The following CLVS1 variants were observed in gnomAD, a reference collection of about 807,000 sequenced individuals.
CLVS1 encodes the protein clavesin-1.
In CLVS1, 10 loss-of-function variants were observed where a neutral mutation model predicts 33.1. The observed-to-expected ratio is 0.30, with a 90% confidence interval of 0.19 to 0.51. The LOEUF (loss-of-function observed/expected upper bound fraction) is 0.51. CLVS1 is among the 20% of genes least tolerant of loss of function. The pLI, the probability that CLVS1 is intolerant of heterozygous loss-of-function variation, is 0.97. For missense variants in CLVS1, 343 were observed against 433.4 expected, an observed-to-expected ratio of 0.79 and a Z score of 1.85; for synonymous variants, 163 against 166.1, an observed-to-expected ratio of 0.98 and a Z score of 0.14.
At chr8:60,968,291 G>A in the CLVS1 span, among the ~76,000 whole-genome samples, 3 of 152,254 alleles carry the variant, frequency 2.0e-5, no homozygotes, top group Admixed American at 6.5e-5. Context: ...CGAGGCCGGC[G>A]GATCACCTGA....
chr8:61,305,115 T>A (rs1024318973), intron 2 of CLVS1, among the ~76,000 whole-genome samples: 4 of 152,068 alleles, frequency 2.6e-5, no homozygotes, highest in Non-Finnish European at 5.9e-5. Context: ...TGAGTACCAG[T>A]TGGTGCTCAG....
intron 2 of CLVS1, among the ~76,000 whole-genome samples, chr8:61,143,633 T>C (rs1296843338): frequency 6.6e-6 from 1 of 151,572 alleles, no homozygotes; most frequent in African/African-American, 2.4e-5. Flanking sequence ...CCCTGAATTC[T>C]CTCTCTCAGA....
intron 1 of CLVS1, among the ~76,000 whole-genome samples, chr8:61,105,624 C>T (rs549046047): frequency 6.6e-6 from 1 of 152,282 alleles, no homozygotes; most frequent in Admixed American, 6.5e-5. Context: ...TAAGGCCTCA[C>T]AAATACTTGT....
At chr8:61,052,478 A>G (rs1039890211), upstream of CLVS1, among the ~76,000 whole-genome samples, 3 of 150,334 alleles carry the variant, frequency 2.0e-5, no homozygotes, top group African/African-American at 7.4e-5. Flanking sequence ...TTAAGTGACA[A>G]TCTGAAAGAC....
At position 61,477,467 on chromosome 8, in the gene CLVS1, C is replaced by T. The variant is rs1018717642; in HGVS notation, c.977+18925C>T. 2.6e-5 allele frequency among the ~76,000 whole-genome samples: 4 copies of T among 152,206 alleles called. No homozygotes were observed. In the East Asian group the frequency reaches 5.8e-4, roughly 22 times the overall value. On this transcript the variant is annotated intron_variant, in intron 5 of 5. Coordinates refer to ENST00000325897, the MANE Select transcript of CLVS1 (RefSeq NM_173519.3). Reference sequence around the variant, plus strand: ...GTTGCTATGCTATTAATTATTGCCTCAATTCAGAGCCTGTTATTGGTCTAT... The same window carrying T: ...GTTGCTATGCTATTAATTATTGCCTTAATTCAGAGCCTGTTATTGGTCTAT...
chr8:61,207,779 A>C (rs931342050), intron 2 of CLVS1, among the ~76,000 whole-genome samples: 3 of 151,966 alleles, frequency 2.0e-5, no homozygotes, highest in Admixed American at 6.6e-5. Context: ...TGCACAGTAC[A>C]TCTCGGGGAA....
chr8:61,365,228 G>A (rs1813147232), intron 2 of CLVS1, among the ~76,000 whole-genome samples: 1 of 152,138 alleles, frequency 6.6e-6, no homozygotes, highest in Non-Finnish European at 1.5e-5. Context: ...TGAACCCAAT[G>A]CAAGATCTAT....
chr8:61,467,289 A>G, intron 5 of CLVS1, among the ~76,000 whole-genome samples: 1 of 152,190 alleles, frequency 6.6e-6, no homozygotes, highest in Non-Finnish European at 1.5e-5. Context: ...CCCTTGCAGC[A>G]GGTTAGATAT....
intron 5 of CLVS1, among the ~76,000 whole-genome samples, chr8:61,476,972 A>G (rs957236161): frequency 6.6e-6 from 1 of 152,200 alleles, no homozygotes; most frequent in South Asian, 2.1e-4. Context: ...GATACATCCC[A>G]TCAATACCTA....
intron 1 of CLVS1, among the ~76,000 whole-genome samples, chr8:61,093,579 T>G (rs1488282771): frequency 6.6e-6 from 1 of 152,250 alleles, no homozygotes; most frequent in African/African-American, 2.4e-5. Context: ...AATGTCAGTG[T>G]TAAATCTATA....
At chr8:61,064,774 T>C (rs1346366375) in intron 1 of CLVS1, among the ~76,000 whole-genome samples, 3 of 152,014 alleles carry the variant, frequency 2.0e-5, no homozygotes, top group Non-Finnish European at 4.4e-5. Context: ...TGATCTTGGC[T>C]CACTGCAAGC....
At chr8:61,186,585 G>A (rs960811388) in intron 2 of CLVS1, among the ~76,000 whole-genome samples, 7 of 151,964 alleles carry the variant, frequency 4.6e-5, no homozygotes, top group Admixed American at 3.9e-4. Flanking sequence ...GGTTTTGCTA[G>A]GTGGAAAGTA....
At chr8:61,216,789 C>G (rs796476397) in intron 2 of CLVS1, among the ~76,000 whole-genome samples, 12 of 152,188 alleles carry the variant, frequency 7.9e-5, no homozygotes, top group African/African-American at 2.9e-4. Flanking sequence ...GTTTGGATCC[C>G]GATAGCCTAG....
chr8:61,232,008 C>G (rs1808441861), intron 2 of CLVS1, among the ~76,000 whole-genome samples: 1 of 86,130 alleles, frequency 1.2e-5, no homozygotes, highest in Non-Finnish European at 2.6e-5. Context: ...AGAAGGAGCC[C>G]TGAGGAAAGT....
intron 2 of CLVS1, among the ~76,000 whole-genome samples, chr8:61,182,393 C>T (rs1041787136): frequency 6.6e-6 from 1 of 152,044 alleles, no homozygotes; most frequent in Admixed American, 6.6e-5. Context: ...AGTGAAAAGG[C>T]AACCTACAGA....
intron 5 of CLVS1, among the ~76,000 whole-genome samples, chr8:61,482,060 C>T (rs938317517): frequency 1.3e-5 from 2 of 152,216 alleles, no homozygotes; most frequent in African/African-American, 4.8e-5. Context: ...ATTGTGCAGC[C>T]TCCACTGGTA....
At chr8:61,032,914 A>C in the CLVS1 span, among the ~76,000 whole-genome samples, 1 of 150,526 alleles carries the variant, frequency 6.6e-6, no homozygotes, top group Non-Finnish European at 1.5e-5. Flanking sequence ...TGAGACCAGG[A>C]GTTTGAGACC....
chr8:61,297,577 T>G (rs1031749568), intron 1 of CLVS1, among the ~76,000 whole-genome samples: 1 of 152,142 alleles, frequency 6.6e-6, no homozygotes, highest in Non-Finnish European at 1.5e-5. Flanking sequence ...ATTAGTTTAG[T>G]TTTGAACAGA....
chr8:61,279,896 A>T (rs2129593141), intron 2 of CLVS1, among the ~76,000 whole-genome samples: 1 of 152,324 alleles, frequency 6.6e-6, no homozygotes, highest in South Asian at 2.1e-4. Context: ...TCATTAGGAG[A>T]AATGAGACTT....
Sources: allele counts gnomAD v4.1 joint callset (sites outside exome capture counted in the v4.1 genomes callset), GRCh38; gene constraint gnomAD v4.1.1; transcripts MANE v1.5; gene names NCBI Gene and HGNC (gene_info 2026-07-23, HGNC 2026-07-21).